Variants in EEF1G observed in about 807,000 individuals in gnomAD.
EEF1G encodes eukaryotic translation elongation factor 1 gamma.
A neutral mutation model predicts 58.3 loss-of-function variants in EEF1G; 14 were observed. That is an observed-to-expected ratio of 0.24 (90% confidence interval 0.16 to 0.38). The LOEUF (loss-of-function observed/expected upper bound fraction) is 0.38. Ranked by LOEUF, EEF1G falls within the 10% of genes least tolerant of loss-of-function variation. The probability of loss-of-function intolerance (pLI) is 1.00; values close to 1 mark genes in which losing one functional copy is unlikely to be tolerated. For missense variants in EEF1G, 322 were observed against 550.1 expected, an observed-to-expected ratio of 0.59 and a Z score of 4.15; for synonymous variants, 180 against 206.8, an observed-to-expected ratio of 0.87 and a Z score of 1.11.
In EEF1G at chr11:62,567,477, G is replaced by A; in HGVS notation, c.574C>T (p.Leu192Phe). 6.2e-7 allele frequency: 1 copy of A among 1,612,126 alleles called. No homozygotes were observed. Among genetic ancestry groups the A allele is most frequent in the Non-Finnish European group, 8.5e-7 (1 of 1,179,020 alleles). The change falls in exon 6 of 10, where the codon CTC becomes TTC. Residue 192 changes from leucine (L) to phenylalanine (F), a missense_variant. Coordinates refer to ENST00000329251, the MANE Select transcript of EEF1G (RefSeq NM_001404.5). ...QAFPNTNRWF[L>F]TCINQPQFRA... ...AACTGGGGCTGGTTAATGCAGGTGA[G>A]GAACCAGCGGTTGGTATTGGGAAAG...
At position 62,573,172 on chromosome 11, in the gene EEF1G, T is replaced by C. The variant is rs1433562691; in HGVS notation, c.13-430A>G. On this transcript the variant is annotated intron_variant, in intron 1 of 9. Transcript: ENST00000329251. ...TCACCGCTTCAAAAGCATCGTCCTG[T>C]CTCTAAGGCACGCACGACGATCGAG... is the stretch of plus-strand genomic sequence containing the variant. 4 of 158,904 alleles carry C rather than the reference T, an allele frequency of 2.5e-5. No individual in the cohort carries two copies. In the South Asian group the frequency reaches 5.5e-4, roughly 22 times the overall value. 9.8% of individuals were successfully genotyped at this position (158,904 alleles called of 1,614,324 possible).
intron 7 of EEF1G, among the ~76,000 whole-genome samples, chr11:62,565,404 G>GGAAA (rs1941545035): frequency 6.6e-6 from 1 of 151,990 alleles, no homozygotes; most frequent in Non-Finnish European, 1.5e-5. Flanking sequence ...AAAACCTTGG[G>GGAAA]GAAAGCATTT....
chr11:62,570,475 A>G (rs952778693), intron 5 of EEF1G, among the ~76,000 whole-genome samples: 1 of 152,232 alleles, frequency 6.6e-6, no homozygotes, highest in African/African-American at 2.4e-5. Flanking sequence ...TTAGCTGCCA[A>G]ACAGAAACTA....
In EEF1G at chr11:62,571,067, C is replaced by G. The variant is rs1353604939; in HGVS notation, c.420G>C (p.Gly140=). 1.2e-6 allele frequency: 2 copies of G among 1,613,968 alleles called. No individual in the cohort carries two copies. The highest frequency in any genetic ancestry group is 1.7e-6 in the Non-Finnish European group (2 of 1,179,890). ...TCGTCTTCAAGTAAGCATCCAGCAG[C>G]CCCAGAATTCGCCTCACTTCCTCCT... The part of the protein sequence containing the change: ...NAKEEVRRIL[G]LLDAYLKTRT... The change falls in exon 5 of 10, where the codon GGG becomes GGC. Residue 140 remains glycine, a synonymous_variant. Transcript: ENST00000329251.
chr11:62,561,095 C>T (rs903736405), intron 7 of EEF1G, among the ~76,000 whole-genome samples: 5 of 152,182 alleles, frequency 3.3e-5, no homozygotes, highest in Non-Finnish European at 7.4e-5. Flanking sequence ...GCTCTGTTTT[C>T]TTTCTTTCCA....
intron 5 of EEF1G, among the ~76,000 whole-genome samples, chr11:62,568,503 TG>T (rs1222305544): frequency 6.6e-6 from 1 of 151,792 alleles, no homozygotes; most frequent in Non-Finnish European, 1.5e-5. Context: ...CCTAAAGTGC[TG>T]GGATTACCCG....
chr11:62,566,741 G>T, intron 7 of EEF1G, 65 bp downstream of exon 7: 1 of 1,448,698 alleles, frequency 6.9e-7, no homozygotes, highest in Admixed American at 1.9e-5. Flanking sequence ...TGTGTGAGGG[G>T]GGACATACAG....
chr11:62,567,145 T>C (rs965251539), intron 6 of EEF1G, 135 bp from the exon 7 acceptor site: 2 of 1,003,474 alleles, frequency 2.0e-6, no homozygotes, highest in African/African-American at 1.6e-5. Flanking sequence ...CCCAGACTGC[T>C]CATCAGTTCA....
intron 5 of EEF1G, 22 bp downstream of exon 5, chr11:62,570,943 A>G: frequency 6.2e-7 from 1 of 1,613,590 alleles, no homozygotes; most frequent in Non-Finnish European, 8.5e-7. Flanking sequence ...CCACTGCCAA[A>G]TGGATTTTCC....
At chr11:62,562,226 C>T (rs1941504134) in intron 7 of EEF1G, among the ~76,000 whole-genome samples, 1 of 152,090 alleles carries the variant, frequency 6.6e-6, no homozygotes, top group Non-Finnish European at 1.5e-5. Flanking sequence ...TTTGAGTTCC[C>T]CTCCCCTTCC....
At chr11:62,564,505 G>A (rs1322360584) in intron 7 of EEF1G, among the ~76,000 whole-genome samples, 1 of 150,800 alleles carries the variant, frequency 6.6e-6, no homozygotes, top group Non-Finnish European at 1.5e-5. Flanking sequence ...GCTCATATCT[G>A]TAATCCCAGC....
At chr11:62,562,163 C>A (rs1395483951) in intron 7 of EEF1G, among the ~76,000 whole-genome samples, 6 of 152,170 alleles carry the variant, frequency 3.9e-5, no homozygotes, top group Admixed American at 2.6e-4. Flanking sequence ...CTCTCTGTAA[C>A]CATTTTGCTT....
At position 62,560,135 on chromosome 11, in the gene EEF1G, A is replaced by G; in HGVS notation, c.1089T>C (p.Phe363=). Reference sequence around the variant, plus strand: ...AAATGGAGCTGCTATTGTTGGTTCCAAAAAGGATGACACTGGCGAAGGCAT... The same window carrying G: ...AAATGGAGCTGCTATTGTTGGTTCCGAAAAGGATGACACTGGCGAAGGCAT... The part of the protein sequence containing the change: ...RKNAFASVIL[F]GTNNSSSISG... The change falls in exon 9 of 10, where the codon TTT becomes TTC. Residue 363 remains phenylalanine, a synonymous_variant. Transcript: ENST00000329251. The G allele has an allele frequency of 6.2e-7, 1 of 1,614,060 alleles. No individual in the cohort carries two copies. The highest frequency in any genetic ancestry group is 2.2e-5 in the East Asian group (1 of 44,896).
chr11:62,560,252 T>C, intron 8 of EEF1G, 30 bp downstream of exon 8: 1 of 1,613,896 alleles, frequency 6.2e-7, no homozygotes, highest in Admixed American at 1.7e-5. Context: ...TACACCTTGT[T>C]CTCCTTCCTT....
intron 5 of EEF1G, among the ~76,000 whole-genome samples, chr11:62,568,833 C>T (rs1470431613): frequency 6.6e-6 from 1 of 151,982 alleles, no homozygotes; most frequent in African/African-American, 2.4e-5. Flanking sequence ...ATCAGCCAGG[C>T]ATGGTTGCAC....
At chr11:62,573,628 A>G (rs936923908) in intron 1 of EEF1G, 2 of 712,050 alleles carry the variant, frequency 2.8e-6, no homozygotes, top group African/African-American at 3.6e-5. Flanking sequence ...TCTTCCCCAG[A>G]CCCTTCCACC....
chr11:62,571,066 G>T lies in EEF1G; in HGVS notation c.421C>A (p.Leu141Met), dbSNP rs1565262588. The change falls in exon 5 of 10, where the codon CTG (leucine) becomes ATG (methionine). Residue 141 changes from leucine (L) to methionine (M), a missense_variant. Coordinates refer to ENST00000329251, the MANE Select transcript of EEF1G (RefSeq NM_001404.5). ...AKEEVRRILG[L>M]LDAYLKTRTF... The stretch of plus-strand genomic sequence containing the variant: ...CTCGTCTTCAAGTAAGCATCCAGCA[G>T]CCCCAGAATTCGCCTCACTTCCTCC... The T allele has an allele frequency of 3.1e-6, 5 of 1,613,902 alleles. No individual in the cohort carries two copies. The highest frequency in any genetic ancestry group is 4.2e-6 in the Non-Finnish European group (5 of 1,179,872).
Position 62,571,597 on chromosome 11 carries a change from C to A in EEF1G, c.321G>T (p.Val107=), listed in dbSNP as rs772776411. 101 of 1,591,074 alleles carry A rather than the reference C, an allele frequency of 6.3e-5. No homozygotes were observed. In the South Asian group the frequency reaches 1.1e-3, roughly 18 times the overall value. The change falls in exon 4 of 10, where the codon GTG becomes GTT. Residue 107 remains valine (V), a synonymous_variant. Transcript: ENST00000329251. ...QWVSFADSDI[V]PPASTWVFPT... Reference sequence around the variant, plus strand: ...GGAACACCCAGGTACTGGCTGGGGGCACTATATCGGAATCAGCAAAGCTCA... The same window carrying A: ...GGAACACCCAGGTACTGGCTGGGGGAACTATATCGGAATCAGCAAAGCTCA...
At chr11:62,564,989 C>T (rs548369565) in intron 7 of EEF1G, among the ~76,000 whole-genome samples, 1 of 151,920 alleles carries the variant, frequency 6.6e-6, no homozygotes, top group Non-Finnish European at 1.5e-5. Flanking sequence ...AGGAGAATCG[C>T]TTGAACTGGG....
Sources: allele counts gnomAD v4.1 joint callset (sites outside exome capture counted in the v4.1 genomes callset), GRCh38; gene constraint gnomAD v4.1.1; transcripts MANE v1.5; gene names NCBI Gene and HGNC (gene_info 2026-07-23, HGNC 2026-07-21).